Variants in S100Z observed in about 807,000 individuals in gnomAD.
The protein encoded by S100Z is S100 calcium binding protein Z.
A neutral mutation model predicts 8.5 loss-of-function variants in S100Z; 11 were observed. That is an observed-to-expected ratio of 1.30 (90% CI 0.82 to 2.15). The LOEUF is 2.15. Ranked by LOEUF, S100Z falls within the 30% of genes most tolerant of loss-of-function variation. The probability of loss-of-function intolerance (pLI) is 0.00; values close to 1 mark genes in which losing one functional copy is unlikely to be tolerated. For synonymous variants in S100Z, 34 were observed against 43.8 expected, an observed-to-expected ratio of 0.78 and a Z score of 0.89; for missense variants, 126 against 117.9, an observed-to-expected ratio of 1.07 and a Z score of -0.32.
chr5:76,868,123 T>TGAGC (rs531669401), intron 1 of S100Z, among the ~76,000 whole-genome samples: 93 of 152,366 alleles, frequency 6.1e-4, no homozygotes, highest in Non-Finnish European at 9.8e-4. Flanking sequence ...AGATTCTTTT[T>TGAGC]GAGCCTTTTG....
chr5:76,906,523 T>G (rs942765372), intron 4 of S100Z, among the ~76,000 whole-genome samples: 1 of 152,218 alleles, frequency 6.6e-6, no homozygotes, highest in Non-Finnish European at 1.5e-5. Context: ...AGTACAGTAA[T>G]GCAGTACTTG....
the S100Z span, among the ~76,000 whole-genome samples, chr5:76,946,878 C>A: frequency 6.6e-6 from 1 of 152,024 alleles, no homozygotes; most frequent in African/African-American, 2.4e-5. Flanking sequence ...TTTTGTTTAA[C>A]TCTTTTGCGG....
chr5:76,870,595 C>T (rs563522567), intron 2 of S100Z, among the ~76,000 whole-genome samples: 1 of 151,884 alleles, frequency 6.6e-6, no homozygotes, highest in East Asian at 1.9e-4. Context: ...TTTTAACTTT[C>T]TAAAAGCTTG....
chr5:76,877,306 A>G (rs16873897), intron 3 of S100Z, among the ~76,000 whole-genome samples: 5,622 of 152,136 alleles, frequency 0.037, 246 homozygotes, highest in East Asian at 0.12. Flanking sequence ...GCTCGTTGGT[A>G]TTTTTCTCCT....
chr5:76,945,368 A>G, the S100Z span, among the ~76,000 whole-genome samples: 11,837 of 152,192 alleles, frequency 0.078, 747 homozygotes, highest in African/African-American at 0.17. Flanking sequence ...CCCGACACCC[A>G]TGAAGGGTCT....
At chr5:76,927,846 A>G in the S100Z span, among the ~76,000 whole-genome samples, 6 of 152,308 alleles carry the variant, frequency 3.9e-5, no homozygotes, top group South Asian at 1.0e-3. Flanking sequence ...CATTTCGTAG[A>G]TAAGGAAACC....
intron 1 of S100Z, among the ~76,000 whole-genome samples, chr5:76,856,065 C>T (rs368719962): frequency 2.6e-4 from 40 of 152,280 alleles, no homozygotes; most frequent in East Asian, 9.6e-4. Context: ...CCTCCTCCTC[C>T]GGCCACATAA....
intron 1 of S100Z, among the ~76,000 whole-genome samples, chr5:76,863,666 G>A (rs1371302596): frequency 3.9e-5 from 6 of 151,922 alleles, no homozygotes; most frequent in Non-Finnish European, 8.8e-5. Flanking sequence ...AGCCTCCCAA[G>A]TAGCTGGGAC....
At chr5:76,902,539 G>A (rs1441516729) in intron 4 of S100Z, among the ~76,000 whole-genome samples, 1 of 152,162 alleles carries the variant, frequency 6.6e-6, no homozygotes, top group Non-Finnish European at 1.5e-5. Context: ...AATCTCTTCA[G>A]TGCCTCTTTC....
chr5:76,909,162 C>T (rs368531334), intron 4 of S100Z, among the ~76,000 whole-genome samples: 58 of 152,186 alleles, frequency 3.8e-4, no homozygotes, highest in African/African-American at 1.3e-3. Flanking sequence ...CTCCAGGGAC[C>T]GTTACGGGTT....
intron 4 of S100Z, among the ~76,000 whole-genome samples, chr5:76,903,480 T>C (rs1038322069): frequency 6.6e-6 from 1 of 152,210 alleles, no homozygotes; most frequent in African/African-American, 2.4e-5. Context: ...GGGTTGTTTC[T>C]GGTTTTGGTT....
At chr5:76,865,289 G>A (rs1751232950) in intron 1 of S100Z, among the ~76,000 whole-genome samples, 2 of 140,072 alleles carry the variant, frequency 1.4e-5, no homozygotes, top group Non-Finnish European at 3.0e-5. Flanking sequence ...TTGTTACCCA[G>A]GCTGGAGTGC....
intron 1 of S100Z, among the ~76,000 whole-genome samples, chr5:76,854,088 A>G (rs1750809297): frequency 6.6e-6 from 1 of 152,176 alleles, no homozygotes; most frequent in Non-Finnish European, 1.5e-5. Context: ...TGCTTCCTGT[A>G]CGGCCTGTGG....
chr5:76,856,702 C>A (rs1750891551), intron 1 of S100Z, among the ~76,000 whole-genome samples: 1 of 152,110 alleles, frequency 6.6e-6, no homozygotes, highest in African/African-American at 2.4e-5. Context: ...CAATAGCTGG[C>A]TATGAAAAAC....
At chr5:76,878,770 G>A (rs1228859058) in intron 4 of S100Z, among the ~76,000 whole-genome samples, 1 of 152,136 alleles carries the variant, frequency 6.6e-6, no homozygotes, top group Admixed American at 6.5e-5. Flanking sequence ...CTGTGGTCTG[G>A]GTAAGAGATG....
At chr5:76,904,560 C>T (rs1376629502) in intron 4 of S100Z, among the ~76,000 whole-genome samples, 1 of 152,178 alleles carries the variant, frequency 6.6e-6, no homozygotes, top group Non-Finnish European at 1.5e-5. Context: ...TTATTAAACA[C>T]ACATTTCTTT....
intron 4 of S100Z, among the ~76,000 whole-genome samples, chr5:76,893,345 T>C (rs544988612): frequency 6.6e-5 from 10 of 152,038 alleles, no homozygotes; most frequent in Non-Finnish European, 1.3e-4. Context: ...AAAGCAAAAG[T>C]TCAGCCTGGC....
chr5:76,950,647 A>G, the S100Z span, among the ~76,000 whole-genome samples: 1 of 152,198 alleles, frequency 6.6e-6, no homozygotes, highest in Admixed American at 6.5e-5. Context: ...TATGGAGAAA[A>G]ACTGAAATAT....
At chr5:76,852,187 C>T (rs1478835384) in intron 1 of S100Z, among the ~76,000 whole-genome samples, 53 of 152,208 alleles carry the variant, frequency 3.5e-4, no homozygotes, top group Admixed American at 3.3e-3. Context: ...CTGGCCTCCA[C>T]TCCACTTGGC....
Sources: allele counts gnomAD v4.1 joint callset (sites outside exome capture counted in the v4.1 genomes callset), GRCh38; gene constraint gnomAD v4.1.1; transcripts MANE v1.5; gene names NCBI Gene and HGNC (gene_info 2026-07-23, HGNC 2026-07-21).